The following CYB5R4 variants were observed in gnomAD, a reference collection of about 807,000 sequenced individuals.
The protein encoded by CYB5R4 is N-terminal cytochrome b5 and cytochrome b5 oxidoreductase domain-containing protein.
Under a neutral mutation model 70.2 loss-of-function variants are expected in CYB5R4, and 55 were observed. The ratio of observed to expected loss-of-function variants is 0.78; its 90% CI spans 0.63 to 0.98. The LOEUF is 0.98. CYB5R4 is among the 50% of genes least tolerant of loss of function. CYB5R4 has a pLI of 0.00. For synonymous variants in CYB5R4, 197 were observed against 199.5 expected (o/e 0.99, Z 0.11); for missense variants, 562 against 612.6 (o/e 0.92, Z 0.87).
At chr6:83,897,180 G>T (rs1215498570) in intron 3 of CYB5R4, among the ~76,000 whole-genome samples, 2 of 151,798 alleles carry the variant, frequency 1.3e-5, no homozygotes, top group African/African-American at 2.4e-5. Flanking sequence ...TTGTCCTTGC[G>T]ATAGTTTGCT....
At chr6:83,951,516 T>C (rs1193392389) in intron 14 of CYB5R4, among the ~76,000 whole-genome samples, 1 of 152,190 alleles carries the variant, frequency 6.6e-6, no homozygotes, top group East Asian at 1.9e-4. Flanking sequence ...CTCCCACTTA[T>C]GAGTGAGAAC....
chr6:83,923,076 T>G (rs2099466667), intron 9 of CYB5R4, among the ~76,000 whole-genome samples: 1 of 152,068 alleles, frequency 6.6e-6, no homozygotes, highest in Non-Finnish European at 1.5e-5. Flanking sequence ...TCCTTTTTAT[T>G]CTTCATTCCT....
intron 3 of CYB5R4, among the ~76,000 whole-genome samples, chr6:83,908,068 T>C (rs956132578): frequency 5.3e-5 from 8 of 151,422 alleles, no homozygotes; most frequent in Non-Finnish European, 1.2e-4. Flanking sequence ...CTTTCCACAA[T>C]GGTTGAACTA....
intron 2 of CYB5R4, among the ~76,000 whole-genome samples, chr6:83,868,868 C>T (rs1386088019): frequency 6.6e-6 from 1 of 152,172 alleles, no homozygotes; most frequent in African/African-American, 2.4e-5. Context: ...ATTTGGGCAG[C>T]ATGGTTCACC....
intron 14 of CYB5R4, among the ~76,000 whole-genome samples, chr6:83,953,933 C>G (rs1362702079): frequency 6.6e-6 from 1 of 152,168 alleles, no homozygotes; most frequent in Admixed American, 6.5e-5. Flanking sequence ...CACATAGGCA[C>G]TCATCAGAAG....
chr6:83,918,087 T>A, intron 6 of CYB5R4, 22 bp downstream of exon 6: 1 of 1,580,330 alleles, frequency 6.3e-7, no homozygotes, highest in Non-Finnish European at 8.7e-7. Flanking sequence ...TATTTAAAAT[T>A]TTTAAAGTTA....
rs2099473049 is a variant in CYB5R4, at chr6:83,959,870, A to C, written c.1558A>C (p.Thr520Pro). 1 of 1,598,480 alleles carries C rather than the reference A, an allele frequency of 6.3e-7. No homozygotes were observed. Among genetic ancestry groups the C allele is most frequent in the African/African-American group, 1.3e-5 (1 of 74,644 alleles). The change falls in exon 16 of 16, where the codon ACA becomes CCA. Residue 520 changes from threonine to proline, a missense_variant. Transcript: ENST00000369681. ...NFSKNEIHSF[T>P]A is the part of the protein sequence containing the mutation. ...TTCCAAAAATGAGATCCATAGTTTTACAGCATAATGAAGAGCTGTCATTGT... is the reference window on the plus strand; with the variant it reads ...TTCCAAAAATGAGATCCATAGTTTTCCAGCATAATGAAGAGCTGTCATTGT...
At chr6:83,903,287 T>G (rs1047542225) in intron 3 of CYB5R4, among the ~76,000 whole-genome samples, 3 of 152,168 alleles carry the variant, frequency 2.0e-5, no homozygotes, top group Admixed American at 6.5e-5. Flanking sequence ...ATACAGTTTC[T>G]GTTTTTCATT....
At chr6:83,870,635 A>G (rs1166921913) in intron 2 of CYB5R4, among the ~76,000 whole-genome samples, 1 of 151,950 alleles carries the variant, frequency 6.6e-6, no homozygotes, top group Non-Finnish European at 1.5e-5. Flanking sequence ...ATAATAATAT[A>G]TTATTATTAC....
intron 3 of CYB5R4, among the ~76,000 whole-genome samples, chr6:83,904,270 A>T (rs1349417467): frequency 6.6e-6 from 1 of 151,946 alleles, no homozygotes; most frequent in Non-Finnish European, 1.5e-5. Context: ...AAATTTTTTT[A>T]TTTCCATTTT....
At chr6:83,862,738 C>G (rs1232730151) in intron 1 of CYB5R4, among the ~76,000 whole-genome samples, 1 of 152,158 alleles carries the variant, frequency 6.6e-6, no homozygotes, top group African/African-American at 2.4e-5. Context: ...ATTTGCATTT[C>G]TGAAAGATTG....
At chr6:83,902,385 A>G (rs1462347751) in intron 3 of CYB5R4, among the ~76,000 whole-genome samples, 1 of 152,004 alleles carries the variant, frequency 6.6e-6, no homozygotes, top group Non-Finnish European at 1.5e-5. Context: ...TTATATGTCT[A>G]GTTTCATACC....
intron 2 of CYB5R4, among the ~76,000 whole-genome samples, chr6:83,881,168 T>C (rs944870105): frequency 2.6e-5 from 4 of 151,936 alleles, no homozygotes; most frequent in Non-Finnish European, 5.9e-5. Flanking sequence ...CCTTTTTTTC[T>C]TTTTCTTTCT....
intron 14 of CYB5R4, among the ~76,000 whole-genome samples, chr6:83,949,883 A>G (rs2099471257): frequency 6.6e-6 from 1 of 152,220 alleles, no homozygotes; most frequent in African/African-American, 2.4e-5. Context: ...TCATTTGGAC[A>G]TGGGAATCAA....
chr6:83,932,969 G>A (rs9344378), intron 10 of CYB5R4, among the ~76,000 whole-genome samples: 30,735 of 152,118 alleles, frequency 0.2, 6,721 homozygotes, highest in African/African-American at 0.54. Flanking sequence ...ATTCCAAGAT[G>A]TAGCATAGAA....
chr6:83,947,611 C>T (rs1353739463), intron 14 of CYB5R4, among the ~76,000 whole-genome samples: 1 of 152,104 alleles, frequency 6.6e-6, no homozygotes, highest in African/African-American at 2.4e-5. Context: ...AACAGGCAAC[C>T]TACAGAATGG....
intron 2 of CYB5R4, among the ~76,000 whole-genome samples, chr6:83,890,859 A>C (rs567905723): frequency 6.6e-6 from 1 of 152,218 alleles, no homozygotes; most frequent in Non-Finnish European, 1.5e-5. Flanking sequence ...CATTTTTATG[A>C]AAGTATATTT....
chr6:83,882,579 C>A (rs2099459625), intron 2 of CYB5R4, among the ~76,000 whole-genome samples: 1 of 152,092 alleles, frequency 6.6e-6, no homozygotes, highest in Non-Finnish European at 1.5e-5. Context: ...ACTAGATATA[C>A]TCAAGAGAAA....
intron 3 of CYB5R4, among the ~76,000 whole-genome samples, chr6:83,898,638 G>T (rs1013262550): frequency 1.3e-5 from 2 of 151,674 alleles, no homozygotes; most frequent in Non-Finnish European, 2.9e-5. Context: ...CTTTTATTGC[G>T]TTGAGCAGTG....
Sources: gnomAD v4.1 joint callset for allele counts (sites outside exome capture counted in the v4.1 genomes callset) on GRCh38, gnomAD v4.1.1 for gene constraint, MANE v1.5 for transcripts, NCBI Gene and HGNC (gene_info 2026-07-23, HGNC 2026-07-21) for gene names.